The following HUNK variants were observed in gnomAD, a reference collection of about 807,000 sequenced individuals.
The protein encoded by HUNK is hormonally up-regulated neu tumor-associated kinase.
Under a neutral mutation model 61.0 loss-of-function variants are expected in HUNK, and 21 were observed. The observed-to-expected ratio is 0.34, with a 90% CI of 0.24 to 0.50. The LOEUF is 0.50. Among genes scored for constraint, HUNK ranks in the 20% least tolerant of loss-of-function variants. The probability of loss-of-function intolerance (pLI) is 0.98; values close to 1 mark genes in which losing one functional copy is unlikely to be tolerated. For missense variants in HUNK, 772 were observed against 945.7 expected (o/e 0.82, Z 2.41); for synonymous variants, 371 against 386.1 (o/e 0.96, Z 0.46).
chr21:31,982,287 G>A (rs959157461), intron 7 of HUNK, among the ~76,000 whole-genome samples: 2 of 152,180 alleles, frequency 1.3e-5, no homozygotes, highest in African/African-American at 4.8e-5. Flanking sequence ...GGCATACCTA[G>A]TCTGAGAATC....
chr21:31,942,015 G>GC (rs1314486750), intron 3 of HUNK, among the ~76,000 whole-genome samples: 2 of 152,196 alleles, frequency 1.3e-5, no homozygotes, highest in Non-Finnish European at 2.9e-5. Context: ...TTCAAGACCA[G>GC]CCTGACTAAC....
At chr21:31,917,452 A>T (rs894502617) in intron 1 of HUNK, among the ~76,000 whole-genome samples, 1 of 152,094 alleles carries the variant, frequency 6.6e-6, no homozygotes, top group Non-Finnish European at 1.5e-5. Context: ...ACTGTCATAT[A>T]TTGGAACTGT....
intron 9 of HUNK, among the ~76,000 whole-genome samples, chr21:31,991,341 C>G (rs905836488): frequency 2.0e-5 from 3 of 152,094 alleles, no homozygotes; most frequent in African/African-American, 7.2e-5. Flanking sequence ...GTCTCAACCT[C>G]TCAAGTACCT....
intron 1 of HUNK, among the ~76,000 whole-genome samples, chr21:31,904,006 T>A (rs761752167): frequency 2.2e-4 from 33 of 152,278 alleles, no homozygotes; most frequent in Admixed American, 3.9e-4. Flanking sequence ...GCCCACTTGC[T>A]GGTAGCTGTG....
rs781148654 is a variant in HUNK at position 31,983,536 on chromosome 21, T to TC, written c.1186dup (p.Gln396ProfsTer24). 1 of 1,613,658 alleles carries TC rather than the reference T, an allele frequency of 6.2e-7. No homozygotes were observed. Among genetic ancestry groups the TC allele is most frequent in the East Asian group, 2.2e-5 (1 of 44,878 alleles). ...TTTCTCCTCTGGTAGAAATCTGACA[T>TC]CCAGGACAGCCTCTGCTACAAGACC... On this transcript the variant is annotated frameshift_variant, in exon 8 of 11. Transcript: ENST00000270112. LOFTEE classifies it high-confidence loss of function.
At chr21:31,913,623 GGA>G (rs1405704393) in intron 1 of HUNK, among the ~76,000 whole-genome samples, 2 of 151,912 alleles carry the variant, frequency 1.3e-5, no homozygotes, top group Non-Finnish European at 2.9e-5. Flanking sequence ...TTATCCAGGT[GGA>G]GATGGCCAGA....
At chr21:31,977,908 G>T (rs2053062095) in intron 7 of HUNK, among the ~76,000 whole-genome samples, 1 of 152,208 alleles carries the variant, frequency 6.6e-6, no homozygotes, top group East Asian at 1.9e-4. Context: ...ATGTTGCCCA[G>T]GCTGGTCTCT....
intron 1 of HUNK, among the ~76,000 whole-genome samples, chr21:31,888,294 C>T (rs936866006): frequency 2.6e-5 from 4 of 152,094 alleles, no homozygotes; most frequent in Non-Finnish European, 5.9e-5. Context: ...AAGTAAAGCC[C>T]AAAGCCCTGG....
rs758643768 is a variant in HUNK, at chr21:31,998,497, A to G, written c.1487-29A>G. 22 of 1,548,120 alleles carry G rather than the reference A, an allele frequency of 1.4e-5. No individual in the cohort carries two copies. The South Asian group carries it at 2.5e-4, about 18-fold the overall frequency. On this transcript the variant is annotated intron_variant, in intron 10 of 10. Coordinates refer to ENST00000270112, the MANE Select transcript of HUNK (RefSeq NM_014586.2). ...CCGTGAGCACTGTCCGGACGTCCTC[A>G]TGATTGTTTATGCTTTCTTGGTGTG...
intron 4 of HUNK, among the ~76,000 whole-genome samples, chr21:31,954,784 T>A (rs7275780): frequency 0.16 from 24,452 of 149,106 alleles, 2,347 homozygotes; most frequent in South Asian, 0.28. Flanking sequence ...TTTCTTTTTC[T>A]TTTCTTTTTT....
intron 1 of HUNK, among the ~76,000 whole-genome samples, chr21:31,897,475 C>G (rs536136315): frequency 1.1e-4 from 16 of 152,330 alleles, no homozygotes; most frequent in African/African-American, 3.6e-4. Flanking sequence ...CATCTTCCCT[C>G]TGTGCATGTC....
chr21:31,966,896 G>T (rs142639012), intron 5 of HUNK, among the ~76,000 whole-genome samples: 2 of 152,048 alleles, frequency 1.3e-5, no homozygotes, highest in African/African-American at 4.8e-5. Flanking sequence ...AAACATTACC[G>T]CAATACTTTG....
chr21:31,948,712 C>T (rs1431244362), intron 4 of HUNK, among the ~76,000 whole-genome samples: 1 of 151,970 alleles, frequency 6.6e-6, no homozygotes, highest in African/African-American at 2.4e-5. Flanking sequence ...AAGGAGCAGG[C>T]ATTTCATCCA....
intron 4 of HUNK, among the ~76,000 whole-genome samples, chr21:31,957,747 C>T (rs1450437163): frequency 1.3e-5 from 2 of 152,140 alleles, no homozygotes; most frequent in African/African-American, 2.4e-5. Flanking sequence ...GTTAAGCTTA[C>T]TCAGAAGGTA....
intron 1 of HUNK, among the ~76,000 whole-genome samples, chr21:31,920,774 T>G (rs1329959965): frequency 6.6e-6 from 1 of 152,164 alleles, no homozygotes; most frequent in East Asian, 1.9e-4. Flanking sequence ...GCAGGGGCTC[T>G]TCTAGCCTGT....
At chr21:31,977,890 C>G (rs762213) in intron 7 of HUNK, among the ~76,000 whole-genome samples, 73,624 of 152,024 alleles carry the variant, frequency 0.48, 18,474 homozygotes, top group South Asian at 0.6. Flanking sequence ...TAGAGACGGG[C>G]TTTCGCCATG....
intron 2 of HUNK, among the ~76,000 whole-genome samples, chr21:31,926,215 G>A (rs151192394): frequency 0.01 from 1,540 of 152,284 alleles, 17 homozygotes; most frequent in African/African-American, 0.036. Context: ...ACCACGCCCG[G>A]CATAGAAATC....
chr21:31,962,483 C>T (rs1263306182), intron 5 of HUNK, among the ~76,000 whole-genome samples: 1 of 152,158 alleles, frequency 6.6e-6, no homozygotes, highest in Non-Finnish European at 1.5e-5. Flanking sequence ...AAAAAATGGT[C>T]CAAAGTTAGT....
intron 3 of HUNK, among the ~76,000 whole-genome samples, chr21:31,942,687 G>A (rs62221634): frequency 0.033 from 5,013 of 152,208 alleles, 121 homozygotes; most frequent in Non-Finnish European, 0.048. Flanking sequence ...GCAATGGCTG[G>A]GTGGGCACTA....
Sources: allele counts gnomAD v4.1 joint callset (sites outside exome capture counted in the v4.1 genomes callset), GRCh38; gene constraint gnomAD v4.1.1; transcripts MANE v1.5; gene names NCBI Gene and HGNC (gene_info 2026-07-23, HGNC 2026-07-21).